Variants in NBEAL2 observed in about 807,000 individuals in gnomAD.
NBEAL2 encodes the protein neurobeachin-like protein 2.
Under a neutral mutation model 299.8 loss-of-function variants are expected in NBEAL2, and 160 were observed. That is an observed-to-expected ratio of 0.53 (90% CI 0.47 to 0.61). The LOEUF is 0.61. Among genes scored for constraint, NBEAL2 ranks in the 20% least tolerant of loss-of-function variants. NBEAL2 has a pLI of 0.00. For missense variants in NBEAL2, 3,112 were observed against 3,649.0 expected (o/e 0.85, Z 3.79); for synonymous variants, 1,493 against 1,542.3 (o/e 0.97, Z 0.75).
chr3:46,999,070 C>G lies in NBEAL2; in HGVS notation c.3496C>G (p.Leu1166Val), dbSNP rs752818651. Residue 1166 changes from leucine to valine, a missense_variant, in exon 24 of 54, where the codon CTA becomes GTA. Around this residue, in one of 3 missense-constraint regions of NBEAL2, gnomAD observed 2,243 missense variants for 2,538.1 expected, o/e 0.88. Transcript: ENST00000450053. ...PGNLEVLLALLVRPGSLPLLP... is the reference protein window; with the variant it reads ...PGNLEVLLALVVRPGSLPLLP... ...GAACCTCGAAGTGCTACTGGCCCTG[C>G]TAGTGCGGCCAGGGTCACTGCCCCT... The G allele has an allele frequency of 6.3e-7, 1 of 1,592,020 alleles. No homozygotes were observed. Among genetic ancestry groups the G allele is most frequent in the Non-Finnish European group, 8.5e-7 (1 of 1,169,728 alleles).
At position 47,001,485 on chromosome 3, in the gene NBEAL2, T is replaced by C; in HGVS notation, c.4644+47T>C. 6.3e-7 allele frequency: 1 copy of C among 1,590,126 alleles called. No individual in the cohort carries two copies. Among genetic ancestry groups the C allele is most frequent in the Non-Finnish European group, 8.5e-7 (1 of 1,170,114 alleles). ...TGAGCCACATGAACACTCATGTTCA[T>C]GCAAGCCTGCAGGGATCTGGTCTGG... is the stretch of plus-strand genomic sequence containing the variant. On this transcript the variant is annotated intron_variant, in intron 29 of 53. Coordinates refer to ENST00000450053, the MANE Select transcript of NBEAL2 (RefSeq NM_015175.3). This position sits in a 1 kb window ranked among gnomAD's most constrained non-coding sequence, Gnocchi z 6.1.
intron 12 of NBEAL2, 103 bp from the exon 13 acceptor site, chr3:46,994,929 C>G (rs2036371124): frequency 7.0e-7 from 1 of 1,433,760 alleles, no homozygotes; most frequent in African/African-American, 1.4e-5. Context: ...TGGAGTAGAT[C>G]ATGTTGCTGA....
intron 25 of NBEAL2, 55 bp from the exon 26 acceptor site, chr3:46,999,575 C>T: frequency 3.1e-6 from 5 of 1,592,578 alleles, no homozygotes; most frequent in Non-Finnish European, 3.4e-6. Context: ...CAGGGCTGGG[C>T]CCTGCCCTTT....
At chr3:46,980,709 C>T (rs985184567) in intron 1 of NBEAL2, among the ~76,000 whole-genome samples, 4 of 152,112 alleles carry the variant, frequency 2.6e-5, no homozygotes, top group African/African-American at 7.2e-5. Context: ...GTGACTCAGA[C>T]GTGGGTGTCC....
Position 47,000,671 on chromosome 3 carries a change from A to G in NBEAL2, c.4305+267A>G, listed in dbSNP as rs34344887. Among the ~76,000 whole-genome samples, 84,035 of 151,982 alleles carry G rather than the reference A, an allele frequency of 0.55. 23,461 individuals are homozygous for G. The highest frequency in any genetic ancestry group is 0.58 in the Non-Finnish European group (39,421 of 67,938). ...CCTCAAGAGAGCCTGTAGGGCAGAC[A>G]CCTCACAGGGTCCAAGGGCAGCAAA... On this transcript the variant is annotated intron_variant, in intron 27 of 53. Coordinates refer to ENST00000450053, the MANE Select transcript of NBEAL2 (RefSeq NM_015175.3). This position sits in a 1 kb window ranked among gnomAD's most constrained non-coding sequence, Gnocchi z 4.5.
chr3:46,992,404 AC>A, intron 9 of NBEAL2, 70 bp from the exon 10 acceptor site: 1 of 1,412,282 alleles, frequency 7.1e-7, no homozygotes, highest in Non-Finnish European at 9.8e-7. Context: ...TCCTGCTCTA[AC>A]CCCACCCTCT....
In NBEAL2 at chr3:47,000,416, C is replaced by G. The variant is rs367679886; in HGVS notation, c.4305+12C>G. 6.4e-7 allele frequency: 1 copy of G among 1,557,158 alleles called. No individual in the cohort carries two copies. The highest frequency in any genetic ancestry group is 1.4e-5 in the African/African-American group (1 of 73,764). On this transcript the variant is annotated intron_variant, in intron 27 of 53. Coordinates refer to ENST00000450053, the MANE Select transcript of NBEAL2 (RefSeq NM_015175.3). This position sits in a 1 kb window ranked among gnomAD's most constrained non-coding sequence, Gnocchi z 4.5. ...CCAGCAACCCACAGGTGAGGTGGGC[C>G]CACCCTCTGCCACTGCATGGTACCC... is the stretch of plus-strand genomic sequence containing the variant.
chr3:46,999,079 C>T lies in NBEAL2; in HGVS notation c.3505C>T (p.Pro1169Ser), dbSNP rs558417096. The T allele has an allele frequency of 3.3e-5, 52 of 1,590,130 alleles. No individual in the cohort carries two copies. In the South Asian group the frequency reaches 4.9e-4, roughly 15 times the overall value. ...AGTGCTACTGGCCCTGCTAGTGCGG[C>T]CAGGGTCACTGCCCCTGCTGCCCGA... ...LEVLLALLVR[P>S]GSLPLLPDRV... The change falls in exon 24 of 54, where the codon CCA (proline) becomes TCA (serine). Residue 1169 changes from proline (P) to serine (S), a missense_variant. Physicochemically the swap from Pro to Ser is moderately conservative, Grantham distance 74. Coordinates refer to ENST00000450053, the MANE Select transcript of NBEAL2 (RefSeq NM_015175.3).
At chr3:46,987,901 G>A (rs2035783362) in intron 1 of NBEAL2, 12 of 960,778 alleles carry the variant, frequency 1.2e-5, no homozygotes, top group South Asian at 6.2e-5. Context: ...ACATCCCTGC[G>A]GTCTGCCGGG....
At position 47,002,261 on chromosome 3, in the gene NBEAL2, C is replaced by T. The variant is rs371275683; in HGVS notation, c.5124C>T (p.Pro1708=). 5.8e-6 allele frequency: 9 copies of T among 1,559,738 alleles called. No individual in the cohort carries two copies. In the South Asian group the frequency reaches 6.0e-5, roughly 10 times the overall value. Residue 1708 remains proline, a synonymous_variant, in exon 31 of 54, where the codon CCC becomes CCT. Coordinates refer to ENST00000450053, the MANE Select transcript of NBEAL2 (RefSeq NM_015175.3). Reference sequence around the variant, plus strand: ...ACTTCCAGGCTTTTTGTGCCACACCCGAATGGCGCCACTTCATCGACAAAC... The same window carrying T: ...ACTTCCAGGCTTTTTGTGCCACACCTGAATGGCGCCACTTCATCGACAAAC... ...FEDFQAFCAT[P]EWRHFIDKQV... is the part of the protein sequence containing the mutation.
chr3:47,003,653 C>A lies in NBEAL2; in HGVS notation c.5721-163C>A, dbSNP rs1342714079. Among the ~76,000 whole-genome samples, 2 of 152,084 alleles carry A rather than the reference C, an allele frequency of 1.3e-5. No individual in the cohort carries two copies. Among genetic ancestry groups the A allele is most frequent in the African/African-American group, 4.8e-5 (2 of 41,396 alleles). Reference sequence around the variant, plus strand: ...AGCCCAGTGGGTGGCAGGTGGGGGACAGGGGCTGGGACCAGTAGGTTCTGG... The same window carrying A: ...AGCCCAGTGGGTGGCAGGTGGGGGAAAGGGGCTGGGACCAGTAGGTTCTGG... On this transcript the variant is annotated intron_variant, in intron 35 of 53. Coordinates refer to ENST00000450053, the MANE Select transcript of NBEAL2 (RefSeq NM_015175.3). This position sits in a 1 kb window ranked among gnomAD's most constrained non-coding sequence, Gnocchi z 7.0.
chr3:47,008,996 C>T lies in NBEAL2; in HGVS notation c.8035C>T (p.Pro2679Ser), dbSNP rs1407797553. ...ATCCCCTCTCCCTTCCAGACTGCTC[C>T]CGGCCGCGCCTCCCTTGCCCATGAA... ...LHILQLNTLLPAAPPLPMKVA... is the reference protein window; with the variant it reads ...LHILQLNTLLSAAPPLPMKVA... Residue 2679 changes from proline to serine, a missense_variant, in exon 53 of 54, where the codon CCG (proline) becomes TCG (serine). Physicochemically the swap from Pro to Ser is moderately conservative, Grantham distance 74 (BLOSUM62 -1). Transcript: ENST00000450053. 1 of 1,599,306 alleles carries T rather than the reference C, an allele frequency of 6.3e-7. No homozygotes were observed. The highest frequency in any genetic ancestry group is 1.7e-5 in the Admixed American group (1 of 60,024).
chr3:46,982,664 G>T lies in NBEAL2; in HGVS notation c.51+2752G>T, dbSNP rs189329155. ...ATTAGCTGAATGACTGGATAGAGGA[G>T]GTGGGTCCCATGGCAGTGACCAGTC... is the stretch of plus-strand genomic sequence containing the variant. On this transcript the variant is annotated intron_variant, in intron 1 of 53. Transcript: ENST00000450053. The surrounding 1 kb of genome is among the most constrained non-coding windows in gnomAD (Gnocchi z 4.2). 6.6e-6 allele frequency among the ~76,000 whole-genome samples: 1 copy of T among 152,350 alleles called. No individual in the cohort carries two copies. Among genetic ancestry groups the T allele is most frequent in the Admixed American group, 6.5e-5 (1 of 15,312 alleles).
Position 47,004,083 on chromosome 3 carries a change from G to T in NBEAL2, c.5888G>T (p.Gly1963Val), listed in dbSNP as rs377495432. Residue 1963 changes from glycine to valine, a missense_variant, in exon 37 of 54, where the codon GGC (glycine) becomes GTC (valine). Physicochemically the swap from Gly to Val is moderately radical, Grantham distance 109. Coordinates refer to ENST00000450053, the MANE Select transcript of NBEAL2 (RefSeq NM_015175.3). This position sits in a 1 kb window ranked among gnomAD's most constrained non-coding sequence, Gnocchi z 5.0. Reference protein sequence around the residue: ...TERVETEEGIGYDFRRPLAQL... With the variant: ...TERVETEEGIVYDFRRPLAQL... ...CTGCTGTTCCTCCCCATAGGCATCG[G>T]CTATGATTTCCGGCGCCCACTGGCC... 1 of 1,612,278 alleles carries T rather than the reference G, an allele frequency of 6.2e-7. No individual in the cohort carries two copies. The highest frequency in any genetic ancestry group is 2.2e-5 in the East Asian group (1 of 44,866).
At position 47,007,592 on chromosome 3, in the gene NBEAL2, G is replaced by A. The variant is rs1353234942; in HGVS notation, c.7402G>A (p.Ala2468Thr). 6.2e-7 allele frequency: 1 copy of A among 1,612,228 alleles called. No homozygotes were observed. The highest frequency in any genetic ancestry group is 8.5e-7 in the Non-Finnish European group (1 of 1,179,554). Residue 2468 changes from alanine to threonine, a missense_variant, in exon 48 of 54, where the codon GCC (alanine) becomes ACC (threonine). Physicochemically the swap from Ala to Thr is moderately conservative, Grantham distance 58. Transcript: ENST00000450053. ...TGTGAGTGGACAAGCACTGGCAGTG[G>A]CCCCGGATGGAAAGCTGCTATTCAG... Reference protein sequence around the residue: ...SGVSGQALAVAPDGKLLFSGG... With the variant: ...SGVSGQALAVTPDGKLLFSGG...
chr3:47,004,536 G>A lies in NBEAL2; in HGVS notation c.6240G>A (p.Met2080Ile). 6.2e-7 allele frequency: 1 copy of A among 1,613,808 alleles called. No homozygotes were observed. ...QREISNFEYL[M>I]QLNTIAGRTY... Reference sequence around the variant, plus strand: ...AGATATCCAACTTCGAGTACTTGATGCAACTCAACACCATTGCGGGGCGGA... The same window carrying A: ...AGATATCCAACTTCGAGTACTTGATACAACTCAACACCATTGCGGGGCGGA... The change falls in exon 38 of 54, where the codon ATG (methionine) becomes ATA (isoleucine). Residue 2080 changes from methionine (M) to isoleucine (I), a missense_variant. By Grantham distance (10) the Met-to-Ile change is conservative. Around this residue, in one of 3 missense-constraint regions of NBEAL2, gnomAD observed 521 missense variants for 729.6 expected, o/e 0.71. Coordinates refer to ENST00000450053, the MANE Select transcript of NBEAL2 (RefSeq NM_015175.3). This position sits in a 1 kb window ranked among gnomAD's most constrained non-coding sequence, Gnocchi z 5.0.
chr3:46,995,996 A>G lies in NBEAL2; in HGVS notation c.2096A>G (p.Tyr699Cys). ...RPFSQNLVHV[Y>C]KDGHLVKTAP... The stretch of plus-strand genomic sequence containing the variant: ...TTCAGCCAGAACCTGGTCCATGTCT[A>G]CAAAGACGGCCATCTGGTCAAGACA... Residue 699 changes from tyrosine to cysteine, a missense_variant, in exon 15 of 54, where the codon TAC (tyrosine) becomes TGC (cysteine). This residue lies in a region of NBEAL2 where 2,243 missense variants were observed against 2,538.1 expected (regional missense o/e 0.88). Coordinates refer to ENST00000450053, the MANE Select transcript of NBEAL2 (RefSeq NM_015175.3). 1.2e-6 allele frequency: 2 copies of G among 1,612,878 alleles called. No individual in the cohort carries two copies. The highest frequency in any genetic ancestry group is 1.7e-6 in the Non-Finnish European group (2 of 1,179,630).
intron 46 of NBEAL2, 27 bp from the exon 47 acceptor site, chr3:47,007,214 C>A (rs1203367114): frequency 6.2e-7 from 1 of 1,609,242 alleles, no homozygotes; most frequent in Admixed American, 1.7e-5. Flanking sequence ...CTGCCAGAAA[C>A]CCACCTCTGC....
chr3:47,006,925 C>T, intron 45 of NBEAL2, 141 bp from the exon 46 acceptor site: 1 of 675,872 alleles, frequency 1.5e-6, no homozygotes. Context: ...CTGCCTGTTT[C>T]TTGGAGGGAA....
Sources: allele counts gnomAD v4.1 joint callset (sites outside exome capture counted in the v4.1 genomes callset), GRCh38; gene constraint gnomAD v4.1.1; regional missense constraint gnomAD v4.1.1; non-coding constraint Gnocchi (gnomAD v3.1); transcripts MANE v1.5; gene names NCBI Gene and HGNC (gene_info 2026-07-23, HGNC 2026-07-21).